Variants in CES2 observed in about 807,000 individuals in gnomAD.
The protein encoded by CES2 is carboxylesterase 2.
In CES2, 42 loss-of-function variants were observed where a neutral mutation model predicts 52.1. That is an observed-to-expected ratio of 0.81 (90% CI 0.63 to 1.04). The LOEUF (loss-of-function observed/expected upper bound fraction) is 1.04, where lower values mean the gene tolerates loss of function less well. Among genes scored for constraint, CES2 ranks in the 50% least tolerant of loss-of-function variants. The pLI is 0.00. For synonymous variants in CES2, 277 were observed against 289.6 expected (o/e 0.96, Z 0.44); for missense variants, 656 against 724.3 (o/e 0.91, Z 1.08).
In CES2 at chr16:66,943,742, T is replaced by C; in HGVS notation, c.1494-97T>C. The C allele has an allele frequency of 9.8e-7, 1 of 1,015,808 alleles. No individual in the cohort carries two copies. Among genetic ancestry groups the C allele is most frequent in the Non-Finnish European group, 1.4e-6 (1 of 691,710 alleles). 62.9% of individuals were successfully genotyped at this position (1,015,808 alleles called of 1,614,324 possible). ...ATTCCCCAAGCCCACCTGGCCTGCT[T>C]GGCTGCCTTGCCTGACCAGACTCAG... On this transcript the variant is annotated intron_variant, in intron 11 of 11. Coordinates refer to ENST00000317091, the MANE Select transcript of CES2 (RefSeq NM_001365405.1). This position sits in a 1 kb window ranked among gnomAD's most constrained non-coding sequence, Gnocchi z 4.2.
At chr16:66,935,125 G>A (rs1347939247), upstream of CES2, 7 of 297,290 alleles carry the variant, frequency 2.4e-5, no homozygotes, top group East Asian at 1.8e-4. Context: ...GAAGGGCGCC[G>A]ACACTCCTTC....
rs778335915 is a variant in CES2, at chr16:66,943,927, C to T, written c.1582C>T (p.Arg528Trp). The T allele has an allele frequency of 6.2e-6, 10 of 1,610,156 alleles. No individual in the cohort carries two copies. The highest frequency in any genetic ancestry group is 1.7e-5 in the Admixed American group (1 of 59,842). The change falls in exon 12 of 12, where the codon CGG (arginine) becomes TGG (tryptophan). Residue 528 changes from arginine (R) to tryptophan (W), a missense_variant. Coordinates refer to ENST00000317091, the MANE Select transcript of CES2 (RefSeq NM_001365405.1). This position sits in a 1 kb window ranked among gnomAD's most constrained non-coding sequence, Gnocchi z 4.2. The part of the protein sequence containing the change: ...LQLNLQPAVG[R>W]ALKAHRLQFW... ...GCTGAACCTACAGCCTGCGGTGGGC[C>T]GGGCTCTGAAGGCCCACAGGCTCCA... is the stretch of plus-strand genomic sequence containing the variant.
In CES2 at chr16:66,943,511, C is replaced by G; in HGVS notation, c.1493+140C>G. ...GCCCCTTCCCCAGCTCCGGGACCCA[C>G]TCAGACAGGGTGGGGGTGCGTGGGG... On this transcript the variant is annotated intron_variant, in intron 11 of 11. Coordinates refer to ENST00000317091, the MANE Select transcript of CES2 (RefSeq NM_001365405.1). The surrounding 1 kb of genome is among the most constrained non-coding windows in gnomAD (Gnocchi z 4.2). The G allele has an allele frequency of 1.1e-6, 1 of 870,322 alleles. No homozygotes were observed. Among genetic ancestry groups the G allele is most frequent in the Non-Finnish European group, 1.8e-6 (1 of 551,362 alleles). 53.9% of individuals were successfully genotyped at this position (870,322 alleles called of 1,614,324 possible).
chr16:66,943,504 G>T lies in CES2; in HGVS notation c.1493+133G>T. 1.1e-6 allele frequency: 1 copy of T among 922,914 alleles called. No individual in the cohort carries two copies. The highest frequency in any genetic ancestry group is 1.7e-6 in the Non-Finnish European group (1 of 595,784). The allele number at this position is 922,914 out of a possible 1,614,324, so 57.2% of individuals were successfully genotyped here. On this transcript the variant is annotated intron_variant, in intron 11 of 11. Transcript: ENST00000317091. The surrounding 1 kb of genome is among the most constrained non-coding windows in gnomAD (Gnocchi z 4.2). ...CATGATGGCCCCTTCCCCAGCTCCG[G>T]GACCCACTCAGACAGGGTGGGGGTG... is the stretch of plus-strand genomic sequence containing the variant.
chr16:66,941,811 C>T lies in CES2; in HGVS notation c.1100C>T (p.Ala367Val). 1.2e-6 allele frequency: 2 copies of T among 1,614,140 alleles called. No homozygotes were observed. Among genetic ancestry groups the T allele is most frequent in the South Asian group, 1.1e-5 (1 of 91,082 alleles). ...YDTQKEMDRE[A>V]SQAALQKMLT... ...ACCCAGAAGGAAATGGACAGAGAGG[C>T]CTCCCAGGCTGCTCTGCAGAAAATG... The change falls in exon 8 of 12, where the codon GCC (alanine) becomes GTC (valine). Residue 367 changes from alanine (A) to valine (V), a missense_variant. Coordinates refer to ENST00000317091, the MANE Select transcript of CES2 (RefSeq NM_001365405.1).
intron 9 of CES2, 85 bp downstream of exon 9, chr16:66,942,334 A>G (rs1963388026): frequency 2.8e-6 from 4 of 1,415,924 alleles, no homozygotes; most frequent in South Asian, 2.7e-5. Flanking sequence ...TGTCCGGGTC[A>G]GCACTCATGT....
intron 1 of CES2, 195 bp downstream of exon 1, chr16:66,935,906 G>C: frequency 6.9e-7 from 1 of 1,450,352 alleles, no homozygotes; most frequent in Non-Finnish European, 9.0e-7. Flanking sequence ...AAAGGGTCGG[G>C]CTGGGGGACA....
chr16:66,934,521 C>A, upstream of CES2: 6 of 1,195,370 alleles, frequency 5.0e-6, no homozygotes, highest in South Asian at 3.2e-5. The surrounding 1 kb of genome is among the most constrained non-coding windows in gnomAD (Gnocchi z 4.1). Context: ...AAGCGGTGAC[C>A]GCGGCCCTGG....
intron 5 of CES2, 100 bp downstream of exon 5, chr16:66,940,795 A>G (rs1453537364): frequency 3.5e-6 from 5 of 1,421,800 alleles, no homozygotes; most frequent in Non-Finnish European, 4.7e-6. Context: ...CATCGGGAGC[A>G]TGCTCCAGGA....
chr16:66,935,318 AGAG>A, upstream of CES2: 1 of 1,081,496 alleles, frequency 9.2e-7, no homozygotes, highest in Non-Finnish European at 1.3e-6. Flanking sequence ...AGGTTTGAAG[AGAG>A]GATTCCCTGG....
intron 3 of CES2, 102 bp from the exon 4 acceptor site, chr16:66,940,120 T>G: frequency 6.7e-7 from 1 of 1,485,646 alleles, no homozygotes; most frequent in Non-Finnish European, 9.1e-7. Flanking sequence ...GGAGATCTAA[T>G]GGGGAGGTAG....
At chr16:66,939,718 T>A (rs1403641684) in intron 3 of CES2, among the ~76,000 whole-genome samples, 1 of 152,236 alleles carries the variant, frequency 6.6e-6, no homozygotes, top group Non-Finnish European at 1.5e-5. Flanking sequence ...CAAAAACTTT[T>A]TTTCTTAGAG....
intron 3 of CES2, among the ~76,000 whole-genome samples, chr16:66,939,685 TG>T (rs1382876277): frequency 1.3e-5 from 2 of 152,244 alleles, no homozygotes; most frequent in African/African-American, 4.8e-5. Context: ...GATAATCTGT[TG>T]GGCCTATAGA....
At position 66,944,305 on chromosome 16, in the gene CES2, TCA is replaced by T; in HGVS notation, c.*281_*282del. 3.6e-5 allele frequency: 4 copies of T among 111,656 alleles called. No individual in the cohort carries two copies. The highest frequency in any genetic ancestry group is 7.0e-5 in the African/African-American group (1 of 14,346). 6.9% of individuals were successfully genotyped at this position (111,656 alleles called of 1,614,324 possible). A position where few individuals can be genotyped will look rare whatever the true frequency, so the allele number is the denominator to read the frequency against. ...CAGGGCAACACAGTGAGACCCCTTC[TCA>T]AAAAAAAAAAAAAAAAAGAGAGAGT... is the stretch of plus-strand genomic sequence containing the variant. On this transcript the variant is annotated 3_prime_UTR_variant, in exon 12 of 12. Coordinates refer to ENST00000317091, the MANE Select transcript of CES2 (RefSeq NM_001365405.1).
intron 3 of CES2, 104 bp downstream of exon 3, chr16:66,939,462 T>C (rs1241718521): frequency 1.6e-6 from 2 of 1,257,136 alleles, no homozygotes; most frequent in African/African-American, 3.0e-5. Context: ...TGGACCATGC[T>C]GAGAAGCTTC....
At chr16:66,935,797 G>A in intron 1 of CES2, 86 bp downstream of exon 1, 4 of 1,592,688 alleles carry the variant, frequency 2.5e-6, no homozygotes, top group Non-Finnish European at 3.4e-6. Flanking sequence ...CGGGAGGGCA[G>A]GCGCCTGGGA....
Position 66,943,359 on chromosome 16 carries a change from T to G in CES2, c.1481T>G (p.Phe494Cys). The change falls in exon 11 of 12, where the codon TTT becomes TGT. Residue 494 changes from phenylalanine to cysteine, a missense_variant. Transcript: ENST00000317091. The surrounding 1 kb of genome is among the most constrained non-coding windows in gnomAD (Gnocchi z 4.2). ...SRKMMKYWAN[F>C]ARNGNPNGEG... ...AAGATGATGAAGTACTGGGCCAACTTTGCGAGAAATGGGTGAGACAGCACA... is the reference window on the plus strand; with the variant it reads ...AAGATGATGAAGTACTGGGCCAACTGTGCGAGAAATGGGTGAGACAGCACA... 1 of 1,613,964 alleles carries G rather than the reference T, an allele frequency of 6.2e-7. No individual in the cohort carries two copies. The highest frequency in any genetic ancestry group is 8.5e-7 in the Non-Finnish European group (1 of 1,179,962).
At chr16:66,936,901 G>A (rs972409377) in intron 1 of CES2, among the ~76,000 whole-genome samples, 1 of 151,872 alleles carries the variant, frequency 6.6e-6, no homozygotes, top group African/African-American at 2.4e-5. Context: ...AATATTTTGG[G>A]CCAGGCACAG....
At chr16:66,942,284 G>A (rs543819887) in intron 9 of CES2, 35 bp downstream of exon 9, 1 of 1,581,092 alleles carries the variant, frequency 6.3e-7, no homozygotes, top group African/African-American at 1.3e-5. Flanking sequence ...GGCGGGCAGG[G>A]TACAGCTCAG....
Sources: gnomAD v4.1 joint callset for allele counts (sites outside exome capture counted in the v4.1 genomes callset) on GRCh38, gnomAD v4.1.1 for gene constraint, Gnocchi (gnomAD v3.1) non-coding constraint, MANE v1.5 for transcripts, NCBI Gene and HGNC (gene_info 2026-07-23, HGNC 2026-07-21) for gene names.